The following ELMO2 variants were observed in gnomAD, a reference collection of about 807,000 sequenced individuals.
ELMO2 encodes engulfment and cell motility protein 2.
ELMO2 carries 37 observed loss-of-function variants against 96.2 expected under a neutral mutation model. The observed-to-expected ratio is 0.38, with a 90% CI of 0.30 to 0.51. ELMO2 has a LOEUF of 0.51. Among genes scored for constraint, ELMO2 ranks in the 20% least tolerant of loss-of-function variants. The pLI is 0.88. For synonymous variants in ELMO2, 315 were observed against 329.4 expected, an observed-to-expected ratio of 0.96 and a Z score of 0.47; for missense variants, 561 against 912.6, an observed-to-expected ratio of 0.61 and a Z score of 4.96.
At position 46,394,538 on chromosome 20, in the gene ELMO2, G is replaced by C; in HGVS notation, c.-50-6C>G. ...AAAAACACAGACACGGCTGCCTGGG[G>C]AGAAAGAATCAGAAAGGTGGAAAAA... is the stretch of plus-strand genomic sequence containing the variant. On this transcript the variant is annotated splice_polypyrimidine_tract_variant and splice_region_variant and intron_variant, in intron 2 of 21. Transcript: ENST00000290246. The C allele has an allele frequency of 6.3e-7, 1 of 1,575,222 alleles. No individual in the cohort carries two copies. The highest frequency in any genetic ancestry group is 8.7e-7 in the Non-Finnish European group (1 of 1,144,722).
intron 1 of ELMO2, among the ~76,000 whole-genome samples, chr20:46,404,798 T>C (rs1469956720): frequency 6.6e-6 from 1 of 152,260 alleles, no homozygotes; most frequent in Non-Finnish European, 1.5e-5. Context: ...AATATAATTT[T>C]GGAATATATT....
At chr20:46,394,117 A>G in intron 3 of ELMO2, 28 bp from the exon 4 acceptor site, 1 of 1,584,032 alleles carries the variant, frequency 6.3e-7, no homozygotes, top group Non-Finnish European at 8.7e-7. Context: ...AAAGCCTTCA[A>G]CAGCAGCAAC....
chr20:46,396,861 C>T (rs948931772), intron 2 of ELMO2, among the ~76,000 whole-genome samples: 20 of 151,998 alleles, frequency 1.3e-4, no homozygotes, highest in African/African-American at 4.8e-4. Context: ...AGAACTAAAG[C>T]ATGTCTCAGG....
chr20:46,396,084 C>T (rs2060240291), intron 2 of ELMO2, among the ~76,000 whole-genome samples: 1 of 152,256 alleles, frequency 6.6e-6, no homozygotes, highest in African/African-American at 2.4e-5. Flanking sequence ...CCTTATGGCC[C>T]CCAAGGCTTC....
intron 16 of ELMO2, 107 bp from the exon 17 acceptor site, chr20:46,372,076 A>T: frequency 1.4e-6 from 2 of 1,408,530 alleles, no homozygotes; most frequent in Non-Finnish European, 2.0e-6. Flanking sequence ...TGAGCAGGGC[A>T]GGCACTACAG....
chr20:46,399,337 T>C (rs576225760), intron 1 of ELMO2, among the ~76,000 whole-genome samples: 1 of 152,310 alleles, frequency 6.6e-6, no homozygotes, highest in South Asian at 2.1e-4. Flanking sequence ...TCCTTTACAA[T>C]CTAGCCATCC....
chr20:46,395,572 G>A (rs778617333), intron 2 of ELMO2, among the ~76,000 whole-genome samples: 2 of 152,164 alleles, frequency 1.3e-5, no homozygotes, highest in Non-Finnish European at 2.9e-5. Context: ...TAGCTGTCGC[G>A]AGGCTATTAT....
intron 4 of ELMO2, 116 bp from the exon 5 acceptor site, chr20:46,393,717 G>C: frequency 8.7e-7 from 1 of 1,155,328 alleles, no homozygotes; most frequent in Non-Finnish European, 1.3e-6. Context: ...GGAATACAGT[G>C]GAAACAAAGC....
intron 11 of ELMO2, among the ~76,000 whole-genome samples, chr20:46,378,521 A>G (rs2059902809): frequency 2.0e-5 from 3 of 152,208 alleles, no homozygotes. Flanking sequence ...GTAGGCAGGA[A>G]TGTGTGGGAA....
rs773566144 is a variant in ELMO2, at chr20:46,393,518, C to T, written c.192+11G>A. The T allele has an allele frequency of 1.2e-6, 2 of 1,613,832 alleles. No individual in the cohort carries two copies. Among genetic ancestry groups the T allele is most frequent in the East Asian group, 2.2e-5 (1 of 44,878 alleles). The stretch of plus-strand genomic sequence containing the variant: ...AAGGCCCATATTGATTTTGCCTCTC[C>T]CTGTACTAACCTGTTCGGTGATGTA... On this transcript the variant is annotated intron_variant, in intron 5 of 21. Transcript: ENST00000290246.
intron 2 of ELMO2, 98 bp from the exon 3 acceptor site, chr20:46,394,630 G>A (rs2060213394): frequency 1.1e-6 from 1 of 871,226 alleles, no homozygotes; most frequent in South Asian, 1.7e-5. Context: ...ACTGCATAAA[G>A]TAACACATGA....
chr20:46,380,280 C>G lies in ELMO2; in HGVS notation c.780G>C (p.Gln260His). The part of the protein sequence containing the change: ...KRQDMANAFA[Q>H]KHLRSIILNH... ...TCAGGATTATAGACCGGAGATGCTT[C>G]TGTGCAAATGCATTTGCCATATCCT... Residue 260 changes from glutamine to histidine, a missense_variant, in exon 11 of 22, where the codon CAG becomes CAC. Transcript: ENST00000290246. 1 of 1,613,734 alleles carries G rather than the reference C, an allele frequency of 6.2e-7. No individual in the cohort carries two copies. The highest frequency in any genetic ancestry group is 2.2e-5 in the East Asian group (1 of 44,888).
At chr20:46,380,614 C>T (rs1205519000) in intron 10 of ELMO2, among the ~76,000 whole-genome samples, 1 of 152,188 alleles carries the variant, frequency 6.6e-6, no homozygotes, top group African/African-American at 2.4e-5. Flanking sequence ...GTCACAAGGA[C>T]ATTGCACATG....
chr20:46,387,486 G>T (rs768060152), intron 7 of ELMO2, 49 bp from the exon 8 acceptor site: 1 of 1,509,078 alleles, frequency 6.6e-7, no homozygotes, highest in Non-Finnish European at 9.2e-7. Context: ...TTCAGATCGG[G>T]AAACACAGGT....
rs773121104 is a variant in ELMO2, at chr20:46,370,485, A to G, written c.1842T>C (p.Asp614=). 3.3e-5 allele frequency: 54 copies of G among 1,614,042 alleles called. No individual in the cohort carries two copies. The East Asian group carries it at 1.0e-3, about 31-fold the overall frequency. ...ADIKAIVTGK[D]CPHMKEKSAL... ...CACTTTTCTCTTTCATGTGGGGACA[A>G]TCTTTCCCAGTGACAATGGCCTTAA... Residue 614 remains aspartate, a synonymous_variant, in exon 20 of 22, where the codon GAT becomes GAC. Transcript: ENST00000290246.
At chr20:46,396,406 A>G (rs1320132001) in intron 2 of ELMO2, among the ~76,000 whole-genome samples, 3 of 152,212 alleles carry the variant, frequency 2.0e-5, no homozygotes, top group East Asian at 3.8e-4. Flanking sequence ...TTAAGGGTAC[A>G]TATGTTTGTA....
intron 20 of ELMO2, chr20:46,369,408 AACTC>A (rs1346794469): frequency 1.3e-5 from 2 of 157,240 alleles, no homozygotes; most frequent in African/African-American, 4.8e-5. Flanking sequence ...CCAAGGAACT[AACTC>A]ATTATTTTGA....
intron 6 of ELMO2, among the ~76,000 whole-genome samples, chr20:46,391,273 G>A (rs562079795): frequency 1.3e-5 from 2 of 152,248 alleles, no homozygotes; most frequent in Admixed American, 6.5e-5. Context: ...GTCTGAGAGC[G>A]GGCTTGGCTA....
intron 9 of ELMO2, among the ~76,000 whole-genome samples, chr20:46,385,738 T>C (rs2060030112): frequency 6.6e-6 from 1 of 152,198 alleles, no homozygotes; most frequent in African/African-American, 2.4e-5. Flanking sequence ...TTGGTCTCTG[T>C]TTCAAGGGGG....
Sources: allele counts gnomAD v4.1 joint callset (sites outside exome capture counted in the v4.1 genomes callset), GRCh38; gene constraint gnomAD v4.1.1; transcripts MANE v1.5; gene names NCBI Gene and HGNC (gene_info 2026-07-23, HGNC 2026-07-21).